Variants in ATF7IP observed in about 807,000 individuals in gnomAD.
The protein encoded by ATF7IP is activating transcription factor 7-interacting protein 1.
A neutral mutation model predicts 106.4 loss-of-function variants in ATF7IP; 23 were observed. That is an observed-to-expected ratio of 0.22 (90% CI 0.16 to 0.31). The LOEUF is 0.31. Among genes scored for constraint, ATF7IP ranks in the 10% least tolerant of loss-of-function variants. The pLI is 1.00. For synonymous variants in ATF7IP, 542 were observed against 539.0 expected, an observed-to-expected ratio of 1.01 and a Z score of -0.08; for missense variants, 1,334 against 1,524.3, an observed-to-expected ratio of 0.88 and a Z score of 2.08.
rs9651868 is a variant in ATF7IP at position 14,445,165 on chromosome 12, A to G, written c.1930-1823A>G. On this transcript the variant is annotated intron_variant, in intron 5 of 14. Transcript: ENST00000261168. ...GCCACCACGCCTGGCTAATTTTTGT[A>G]TTTTTAGTAGAGATGGGGTTTCACC... is the stretch of plus-strand genomic sequence containing the variant. 5.9e-3 allele frequency among the ~76,000 whole-genome samples: 896 copies of G among 151,652 alleles called. 8 individuals carry two copies. The highest frequency in any genetic ancestry group is 0.02 in the African/African-American group (816 of 41,328).
chr12:14,429,560 TG>T (rs1365229625), intron 2 of ATF7IP, among the ~76,000 whole-genome samples: 4 of 152,224 alleles, frequency 2.6e-5, no homozygotes, highest in Non-Finnish European at 4.4e-5. Context: ...CCTTGTTCAT[TG>T]GATCTTTAAG....
chr12:14,497,762 T>TTC lies in ATF7IP; in HGVS notation c.3503_3504insCT (p.Leu1168PhefsTer2). 6.2e-7 allele frequency: 1 copy of TTC among 1,614,106 alleles called. No homozygotes were observed. Among genetic ancestry groups the TTC allele is most frequent in the Non-Finnish European group, 8.5e-7 (1 of 1,180,012 alleles). ...TCTGCCTCAGAAGCCACACTTGAAG[T>TTC]TAGCACGCGTTCAGAGTCAAAATGG... On this transcript the variant is annotated frameshift_variant, in exon 15 of 15. Coordinates refer to ENST00000261168, the MANE Select transcript of ATF7IP (RefSeq NM_018179.5). LOFTEE classifies it high-confidence loss of function.
At chr12:14,404,342 A>G (rs996338926) in intron 1 of ATF7IP, among the ~76,000 whole-genome samples, 4 of 152,144 alleles carry the variant, frequency 2.6e-5, no homozygotes, top group Admixed American at 2.6e-4. Flanking sequence ...TCATCACATC[A>G]TTTCTTTAGA....
intron 1 of ATF7IP, among the ~76,000 whole-genome samples, chr12:14,400,648 A>G (rs890957129): frequency 6.6e-6 from 1 of 152,008 alleles, no homozygotes; most frequent in East Asian, 1.9e-4. Flanking sequence ...GCATCCTGAT[A>G]TATTCCTTTG....
intron 1 of ATF7IP, among the ~76,000 whole-genome samples, chr12:14,392,510 G>T (rs564051901): frequency 3.3e-5 from 5 of 152,222 alleles, no homozygotes; most frequent in Admixed American, 6.5e-5. Flanking sequence ...CTCAACAAAT[G>T]TAACAGTTAT....
In ATF7IP at chr12:14,424,907, G is replaced by A; in HGVS notation, c.992G>A (p.Ser331Asn). 1 of 1,608,824 alleles carries A rather than the reference G, an allele frequency of 6.2e-7. No homozygotes were observed. Among genetic ancestry groups the A allele is most frequent in the Non-Finnish European group, 8.5e-7 (1 of 1,178,750 alleles). The change falls in exon 2 of 15, where the codon AGT becomes AAT. Residue 331 changes from serine to asparagine, a missense_variant. Ser to Asn is a conservative substitution (Grantham distance 46, BLOSUM62 1). Around this residue, in one of 10 missense-constraint regions of ATF7IP, gnomAD observed 438 missense variants for 405.3 expected, o/e 1.08. Coordinates refer to ENST00000261168, the MANE Select transcript of ATF7IP (RefSeq NM_018179.5). ...GADEKLEQIQ[S>N]KDSLDEKNKA... ...GATGAAAAATTAGAGCAAATTCAGA[G>A]TAAAGACTCATTGGATGAGAAAAAT...
intron 5 of ATF7IP, among the ~76,000 whole-genome samples, chr12:14,441,773 G>GCCAC (rs1159787530): frequency 6.6e-6 from 1 of 152,134 alleles, no homozygotes; most frequent in African/African-American, 2.4e-5. Flanking sequence ...ACAGGCGTGA[G>GCCAC]CCACCGCGCC....
rs974601274 is a variant in ATF7IP at position 14,499,584 on chromosome 12, A to G, written c.*1511A>G. 3 of 152,228 alleles carry G rather than the reference A, an allele frequency of 2.0e-5. No individual in the cohort carries two copies. The highest frequency in any genetic ancestry group is 7.2e-5 in the African/African-American group (3 of 41,454). The allele number at this position is 152,228 out of a possible 1,614,324, so 9.4% of individuals were successfully genotyped here. On this transcript the variant is annotated 3_prime_UTR_variant, in exon 15 of 15. Coordinates refer to ENST00000261168, the MANE Select transcript of ATF7IP (RefSeq NM_018179.5). ...CTTTATTCTCTTTATCGTCCTTCCC[A>G]TTTTAACCTTTTAACTTTGTTTTGA... is the stretch of plus-strand genomic sequence containing the variant.
At chr12:14,385,463 T>C in intron 1 of ATF7IP, 1 of 1,445,440 alleles carries the variant, frequency 6.9e-7, no homozygotes, top group East Asian at 2.5e-5. Context: ...AAAAGGAATT[T>C]AACTGAGTTT....
intron 6 of ATF7IP, among the ~76,000 whole-genome samples, chr12:14,451,052 AT>A (rs1191173197): frequency 2.6e-5 from 4 of 151,620 alleles, no homozygotes; most frequent in African/African-American, 9.7e-5. Flanking sequence ...TTGTTAGGAG[AT>A]TTCTATTACT....
At chr12:14,443,209 A>G (rs1942795545) in intron 5 of ATF7IP, among the ~76,000 whole-genome samples, 1 of 152,184 alleles carries the variant, frequency 6.6e-6, no homozygotes, top group African/African-American at 2.4e-5. Context: ...ACTATAGTCA[A>G]AGATCTATTT....
chr12:14,501,745 G>A lies in ATF7IP; in HGVS notation c.*3672G>A, dbSNP rs1945164970. The A allele has an allele frequency of 6.6e-6, 1 of 152,152 alleles. No homozygotes were observed. The highest frequency in any genetic ancestry group is 6.5e-5 in the Admixed American group (1 of 15,274). The allele number at this position is 152,152 out of a possible 1,614,324, so 9.4% of individuals were successfully genotyped here. The stretch of plus-strand genomic sequence containing the variant: ...ATTTTGAGAAAAGTGACCTAAAACA[G>A]CTGAAATCTTAGGTGCATCTGTCTG... On this transcript the variant is annotated 3_prime_UTR_variant, in exon 15 of 15. Transcript: ENST00000261168.
intron 6 of ATF7IP, among the ~76,000 whole-genome samples, chr12:14,447,533 G>A (rs867878549): frequency 2.6e-5 from 4 of 152,042 alleles, no homozygotes; most frequent in Middle Eastern, 3.4e-3. Flanking sequence ...CATCTACCTT[G>A]GCCTCCCAAA....
chr12:14,495,137 T>G (rs1415560242), intron 13 of ATF7IP, among the ~76,000 whole-genome samples: 3 of 152,062 alleles, frequency 2.0e-5, no homozygotes, highest in Non-Finnish European at 2.9e-5. Context: ...GCTTTATATT[T>G]TCTGGCAGCT....
intron 7 of ATF7IP, 84 bp from the exon 8 acceptor site, chr12:14,457,123 T>G: frequency 8.5e-7 from 1 of 1,178,114 alleles, no homozygotes; most frequent in Non-Finnish European, 1.2e-6. Flanking sequence ...TTTTCCCCTG[T>G]GGGCCACTGC....
intron 13 of ATF7IP, among the ~76,000 whole-genome samples, chr12:14,490,194 G>C (rs968032972): frequency 1.3e-5 from 2 of 152,230 alleles, no homozygotes; most frequent in Non-Finnish European, 2.9e-5. Flanking sequence ...GATGACACGG[G>C]TGGCTGCGGA....
chr12:14,403,219 TTC>T (rs1940359553), intron 1 of ATF7IP, among the ~76,000 whole-genome samples: 1 of 151,882 alleles, frequency 6.6e-6, no homozygotes. Context: ...TCTTTTCAAT[TTC>T]TGTTAAGAAA....
chr12:14,446,304 C>T lies in ATF7IP; in HGVS notation c.1930-684C>T, dbSNP rs890633228. On this transcript the variant is annotated intron_variant, in intron 5 of 14. Transcript: ENST00000261168. ...CTGGGATTACAGGCACGTGCCACCA[C>T]GCCTGGCTAATTTTTGTATTTTTAG... 3.3e-5 allele frequency among the ~76,000 whole-genome samples: 5 copies of T among 152,052 alleles called. No homozygotes were observed. In the South Asian group the frequency reaches 1.0e-3, roughly 32 times the overall value.
chr12:14,400,616 T>C (rs1400266446), intron 1 of ATF7IP, among the ~76,000 whole-genome samples: 1 of 152,178 alleles, frequency 6.6e-6, no homozygotes, highest in Non-Finnish European at 1.5e-5. Flanking sequence ...TTTTTGTATT[T>C]TCTATGACAG....
Sources: gnomAD v4.1 joint callset for allele counts (sites outside exome capture counted in the v4.1 genomes callset) on GRCh38, gnomAD v4.1.1 for gene constraint, gnomAD v4.1.1 regional missense constraint, MANE v1.5 for transcripts, NCBI Gene and HGNC (gene_info 2026-07-23, HGNC 2026-07-21) for gene names.